Variants in KCNB2 observed in about 807,000 individuals in gnomAD.
KCNB2 encodes the protein delayed rectifier potassium channel protein.
A neutral mutation model predicts 61.5 loss-of-function variants in KCNB2; 15 were observed. The observed-to-expected ratio is 0.24, with a 90% confidence interval of 0.16 to 0.38. The LOEUF is 0.38. Ranked by LOEUF, KCNB2 falls within the 10% of genes least tolerant of loss-of-function variation. The probability of loss-of-function intolerance (pLI) is 1.00; values close to 1 mark genes in which losing one functional copy is unlikely to be tolerated. For synonymous variants in KCNB2, 457 were observed against 446.0 expected (o/e 1.02, Z -0.31); for missense variants, 828 against 1,125.2 (o/e 0.74, Z 3.78).
At chr8:72,856,563 G>T (rs1440146710) in intron 2 of KCNB2, among the ~76,000 whole-genome samples, 1 of 152,164 alleles carries the variant, frequency 6.6e-6, no homozygotes, top group Non-Finnish European at 1.5e-5. Context: ...CTATGTTGAT[G>T]GGATGAAATA....
intron 2 of KCNB2, among the ~76,000 whole-genome samples, chr8:72,858,501 GAA>G (rs1289335546): frequency 6.6e-6 from 1 of 152,180 alleles, no homozygotes; most frequent in African/African-American, 2.4e-5. Context: ...ATTTTCTACT[GAA>G]GTTTGTTAAA....
At chr8:72,764,475 C>G (rs1808432275) in intron 2 of KCNB2, among the ~76,000 whole-genome samples, 1 of 152,120 alleles carries the variant, frequency 6.6e-6, no homozygotes, top group Non-Finnish European at 1.5e-5. Context: ...GTTCTATCAA[C>G]TAGTGTGATG....
chr8:72,695,079 G>T (rs2128990475), intron 2 of KCNB2, among the ~76,000 whole-genome samples: 1 of 152,096 alleles, frequency 6.6e-6, no homozygotes, highest in Admixed American at 6.6e-5. Context: ...TGTAAAACAG[G>T]TTAATAACAT....
chr8:72,917,979 G>T (rs1461847887), intron 2 of KCNB2, among the ~76,000 whole-genome samples: 1 of 151,912 alleles, frequency 6.6e-6, no homozygotes, highest in African/African-American at 2.4e-5. Context: ...CAGGCTGAAG[G>T]GTATCCAAGG....
chr8:72,937,783 G>A lies in KCNB2; in HGVS notation c.2428G>A (p.Gly810Ser). ...ERRSFTEIDT[G>S]DDEDFLELPG... ...GAGGAGCTTCACTGAAATAGATACT[G>A]GTGACGACGAAGACTTCTTAGAGCT... Residue 810 changes from glycine (G) to serine (S), a missense_variant, in exon 3 of 3, where the codon GGT (glycine) becomes AGT (serine). Around this residue, in one of 4 missense-constraint regions of KCNB2, gnomAD observed 559 missense variants for 588.4 expected, o/e 0.95. Transcript: ENST00000523207. 1 of 1,614,010 alleles carries A rather than the reference G, an allele frequency of 6.2e-7. No homozygotes were observed. Among genetic ancestry groups the A allele is most frequent in the Admixed American group, 1.7e-5 (1 of 59,974 alleles).
At chr8:72,579,822 A>G (rs988795053) in intron 2 of KCNB2, among the ~76,000 whole-genome samples, 1 of 152,174 alleles carries the variant, frequency 6.6e-6, no homozygotes, top group Non-Finnish European at 1.5e-5. Flanking sequence ...CCCTTACTCT[A>G]TCTTCTTATT....
chr8:72,808,762 C>A (rs1809262099), intron 2 of KCNB2, among the ~76,000 whole-genome samples: 1 of 152,070 alleles, frequency 6.6e-6, no homozygotes, highest in Admixed American at 6.6e-5. Flanking sequence ...CTAGTTGATG[C>A]CTCCTTATCT....
chr8:72,798,889 G>A (rs140410331), intron 2 of KCNB2, among the ~76,000 whole-genome samples: 157 of 152,278 alleles, frequency 1.0e-3, no homozygotes, highest in African/African-American at 3.5e-3. Flanking sequence ...GGGCAAGGAA[G>A]TGACAAAAAA....
chr8:72,758,034 C>G (rs1219257844), intron 2 of KCNB2, among the ~76,000 whole-genome samples: 1 of 152,178 alleles, frequency 6.6e-6, no homozygotes, highest in Non-Finnish European at 1.5e-5. Context: ...TATTCATTAC[C>G]TGGCCTGAAA....
chr8:72,664,178 C>T (rs1024970898), intron 2 of KCNB2, among the ~76,000 whole-genome samples: 2 of 152,216 alleles, frequency 1.3e-5, no homozygotes, highest in African/African-American at 2.4e-5. Flanking sequence ...CTTTGTCCAG[C>T]GGATACCCTG....
At chr8:72,563,729 T>G (rs1240626853) in intron 1 of KCNB2, among the ~76,000 whole-genome samples, 1 of 152,124 alleles carries the variant, frequency 6.6e-6, no homozygotes, top group African/African-American at 2.4e-5. Flanking sequence ...AAGGCACTGT[T>G]GATCAGGGCT....
At chr8:72,839,010 A>G (rs1315460628) in intron 2 of KCNB2, among the ~76,000 whole-genome samples, 1 of 152,162 alleles carries the variant, frequency 6.6e-6, no homozygotes, top group Non-Finnish European at 1.5e-5. Flanking sequence ...TAAAATTTTA[A>G]TTCACAAGGT....
At chr8:72,723,505 C>T (rs930453071) in intron 2 of KCNB2, among the ~76,000 whole-genome samples, 2 of 152,142 alleles carry the variant, frequency 1.3e-5, no homozygotes, top group African/African-American at 2.4e-5. Flanking sequence ...TCATGGTCTC[C>T]CTGGACACAG....
chr8:72,741,302 C>T (rs1000947736), intron 2 of KCNB2, among the ~76,000 whole-genome samples: 1 of 152,176 alleles, frequency 6.6e-6, no homozygotes, highest in African/African-American at 2.4e-5. Context: ...AAATCTCCTT[C>T]TGCCCTGTTA....
chr8:72,549,733 C>T (rs914795176), intron 1 of KCNB2, among the ~76,000 whole-genome samples: 3 of 152,290 alleles, frequency 2.0e-5, no homozygotes, highest in East Asian at 1.9e-4. Flanking sequence ...CTTCACCACA[C>T]GCCTGTGTTC....
intron 2 of KCNB2, among the ~76,000 whole-genome samples, chr8:72,737,940 C>T (rs1807877502): frequency 6.6e-6 from 1 of 152,180 alleles, no homozygotes; most frequent in Non-Finnish European, 1.5e-5. Flanking sequence ...GGATTTTCCT[C>T]ATTTTGGAAA....
intron 2 of KCNB2, among the ~76,000 whole-genome samples, chr8:72,727,125 G>T (rs922263342): frequency 1.3e-4 from 20 of 152,290 alleles, no homozygotes; most frequent in African/African-American, 4.1e-4. Flanking sequence ...GAAGCAGAAA[G>T]ATTTTTTAAT....
At chr8:72,674,523 T>G (rs1806618246) in intron 2 of KCNB2, among the ~76,000 whole-genome samples, 1 of 152,244 alleles carries the variant, frequency 6.6e-6, no homozygotes, top group African/African-American at 2.4e-5. Context: ...CTTCAGCAAC[T>G]TTAGCTTATC....
At chr8:72,894,415 C>G (rs926030804) in intron 2 of KCNB2, among the ~76,000 whole-genome samples, 1 of 152,038 alleles carries the variant, frequency 6.6e-6, no homozygotes, top group African/African-American at 2.4e-5. Context: ...AGAGGAAGCC[C>G]TTGGAGGGTT....
Sources: gnomAD v4.1 joint callset for allele counts (sites outside exome capture counted in the v4.1 genomes callset) on GRCh38, gnomAD v4.1.1 for gene constraint, gnomAD v4.1.1 regional missense constraint, MANE v1.5 for transcripts, NCBI Gene and HGNC (gene_info 2026-07-23, HGNC 2026-07-21) for gene names.